The following ZNF451 variants were observed in gnomAD, a reference collection of about 807,000 sequenced individuals.
ZNF451 encodes zinc finger protein 451.
In ZNF451, 80 loss-of-function variants were observed where a neutral mutation model predicts 107.1. The observed-to-expected ratio is 0.75, with a 90% CI of 0.62 to 0.90. The LOEUF is 0.90. Ranked by LOEUF, ZNF451 falls within the 40% of genes least tolerant of loss-of-function variation. ZNF451 has a pLI of 0.00. For synonymous variants in ZNF451, 362 were observed against 406.5 expected (o/e 0.89, Z 1.32); for missense variants, 1,107 against 1,236.2 (o/e 0.90, Z 1.57).
intron 3 of ZNF451, chr6:57,103,920 G>A (rs534790407): frequency 1.5e-4 from 143 of 985,124 alleles, no homozygotes; most frequent in Non-Finnish European, 1.7e-4. Context: ...TGCTACAGAG[G>A]TTGATGGCGT....
intron 3 of ZNF451, chr6:57,124,306 C>G: frequency 4.6e-6 from 3 of 648,810 alleles, no homozygotes; most frequent in Non-Finnish European, 8.3e-6. Context: ...GTTTTTAACT[C>G]TCAGGCTCGT....
intron 9 of ZNF451, among the ~76,000 whole-genome samples, chr6:57,142,360 A>G (rs1831812096): frequency 6.6e-6 from 1 of 152,192 alleles, no homozygotes; most frequent in African/African-American, 2.4e-5. Flanking sequence ...TGAGTAGGAG[A>G]GGAAAGGGTT....
At chr6:57,138,704 C>CATATATATATATATAT (rs60629541) in intron 7 of ZNF451, among the ~76,000 whole-genome samples, 2 of 43,778 alleles carry the variant, frequency 4.6e-5, no homozygotes, top group African/African-American at 1.1e-4. Context: ...GCAGCTATGC[C>CATATATATATATATAT]ATATATATAT....
chr6:57,157,929 C>T (rs1593171568), intron 13 of ZNF451, among the ~76,000 whole-genome samples: 1 of 152,192 alleles, frequency 6.6e-6, no homozygotes, highest in South Asian at 2.1e-4. Context: ...TTGAAGACTA[C>T]TATGTGCCAG....
intron 3 of ZNF451, among the ~76,000 whole-genome samples, chr6:57,110,906 T>C (rs893776403): frequency 4.0e-5 from 6 of 151,684 alleles, no homozygotes; most frequent in Non-Finnish European, 7.4e-5. Flanking sequence ...TTACCTTCTT[T>C]TTTTTTTTTT....
chr6:57,160,543 C>T (rs1763627711), intron 13 of ZNF451, among the ~76,000 whole-genome samples: 2 of 152,122 alleles, frequency 1.3e-5, no homozygotes, highest in African/African-American at 4.8e-5. Flanking sequence ...CTGTGTTGCC[C>T]AGGCTGGTCT....
At chr6:57,154,105 A>G in intron 13 of ZNF451, 58 bp downstream of exon 13, 1 of 1,565,364 alleles carries the variant, frequency 6.4e-7, no homozygotes. Flanking sequence ...CACTGCTGAG[A>G]GAAACCAATA....
chr6:57,102,186 G>A, intron 3 of ZNF451: 1 of 1,428,168 alleles, frequency 7.0e-7, no homozygotes, highest in Non-Finnish European at 9.1e-7. Flanking sequence ...ACAGGTAGGA[G>A]ATCATCTCAA....
Position 57,133,146 on chromosome 6 carries a change from A to T in ZNF451, c.529A>T (p.Asn177Tyr). 1 of 1,614,142 alleles carries T rather than the reference A, an allele frequency of 6.2e-7. No individual in the cohort carries two copies. The highest frequency in any genetic ancestry group is 2.2e-5 in the East Asian group (1 of 44,864). The change falls in exon 6 of 15, where the codon AAC becomes TAC. Residue 177 changes from asparagine to tyrosine, a missense_variant. By Grantham distance (143) the Asn-to-Tyr change is moderately radical (BLOSUM62 -2). Transcript: ENST00000370706. ...KPILCPIMHC[N>Y]KEFDNGHLLL... The stretch of plus-strand genomic sequence containing the variant: ...AATTTTATGTCCTATAATGCACTGT[A>T]ACAAGGAGTTTGACAATGGGCACCT...
At chr6:57,100,424 G>T (rs1411455369) in intron 3 of ZNF451, among the ~76,000 whole-genome samples, 3 of 152,102 alleles carry the variant, frequency 2.0e-5, no homozygotes, top group Admixed American at 6.5e-5. Flanking sequence ...GAAGCTTGTG[G>T]ATTTGACTTC....
chr6:57,106,897 TTTA>T (rs765988906), intron 3 of ZNF451: 50 of 953,230 alleles, frequency 5.2e-5, no homozygotes, highest in Non-Finnish European at 6.2e-5. Context: ...TGCAAATCTT[TTTA>T]TTATTTTTCC....
chr6:57,102,552 T>C (rs1829658114), intron 3 of ZNF451: 1 of 987,918 alleles, frequency 1.0e-6, no homozygotes, highest in Non-Finnish European at 1.2e-6. Flanking sequence ...GCTTCCTTGT[T>C]CAGGCTTCAG....
At chr6:57,121,677 G>A (rs528459005) in intron 3 of ZNF451, among the ~76,000 whole-genome samples, 1 of 152,196 alleles carries the variant, frequency 6.6e-6, no homozygotes, top group South Asian at 2.1e-4. Context: ...CCTAACCAAG[G>A]TGTGAAAGAT....
chr6:57,138,437 T>C (rs991857503), intron 7 of ZNF451, among the ~76,000 whole-genome samples: 2 of 151,756 alleles, frequency 1.3e-5, no homozygotes, highest in East Asian at 3.9e-4. Context: ...TAATTTTTTG[T>C]ATTTTTAGTA....
At chr6:57,102,435 A>G in intron 3 of ZNF451, 1 of 1,009,662 alleles carries the variant, frequency 9.9e-7, no homozygotes, top group Non-Finnish European at 1.2e-6. Flanking sequence ...GTTCCTCAGG[A>G]AAATCTTATT....
intron 3 of ZNF451, chr6:57,106,629 T>TA: frequency 1.0e-6 from 1 of 985,048 alleles, no homozygotes; most frequent in Non-Finnish European, 1.2e-6. Flanking sequence ...TTTTTTTTTT[T>TA]TTATGTGAGG....
chr6:57,138,266 CTTT>C (rs574875090), intron 7 of ZNF451, among the ~76,000 whole-genome samples: 1 of 139,156 alleles, frequency 7.2e-6, no homozygotes, highest in African/African-American at 2.6e-5. Context: ...TTGGTTCTGC[CTTT>C]TTTTTTTTTT....
At position 57,134,789 on chromosome 6, in the gene ZNF451, T is replaced by G. The variant is rs768082737; in HGVS notation, c.621T>G (p.Pro207=). The change falls in exon 7 of 15, where the codon CCT becomes CCG. Residue 207 remains proline, a synonymous_variant. Coordinates refer to ENST00000370706, the MANE Select transcript of ZNF451 (RefSeq NM_001031623.3). ...ATCCAACAATTACACTACATGGACC[T>G]TTCTTCAGCTCCTTTGCTTGTGTAG... ...PCDPTITLHG[P]FFSSFACVVC... 6.2e-7 allele frequency: 1 copy of G among 1,613,242 alleles called. No homozygotes were observed. The highest frequency in any genetic ancestry group is 1.1e-5 in the South Asian group (1 of 91,034).
chr6:57,163,685 C>T (rs1289660999), intron 14 of ZNF451, among the ~76,000 whole-genome samples: 2 of 151,472 alleles, frequency 1.3e-5, no homozygotes, highest in African/African-American at 2.4e-5. Context: ...CTCCTGACCT[C>T]GTGATCCGCC....
Sources: gnomAD v4.1 joint callset for allele counts (sites outside exome capture counted in the v4.1 genomes callset) on GRCh38, gnomAD v4.1.1 for gene constraint, MANE v1.5 for transcripts, NCBI Gene and HGNC (gene_info 2026-07-23, HGNC 2026-07-21) for gene names.